Variants in PALM observed in about 807,000 individuals in gnomAD.
PALM encodes the protein paralemmin-1.
In PALM, 18 loss-of-function variants were observed where a neutral mutation model predicts 30.7. The ratio of observed to expected loss-of-function variants is 0.59; its 90% CI spans 0.41 to 0.87. The LOEUF (loss-of-function observed/expected upper bound fraction) is 0.87, where lower values mean the gene tolerates loss of function less well. PALM is among the 40% of genes least tolerant of loss of function. The pLI, the probability that PALM is intolerant of heterozygous loss-of-function variation, is 0.00. For synonymous variants in PALM, 286 were observed against 242.8 expected, an observed-to-expected ratio of 1.18 and a Z score of -1.66; for missense variants, 529 against 555.4, an observed-to-expected ratio of 0.95 and a Z score of 0.48.
At chr19:740,110 A>G (rs897442855) in intron 7 of PALM, among the ~76,000 whole-genome samples, 3 of 152,206 alleles carry the variant, frequency 2.0e-5, no homozygotes, top group African/African-American at 7.2e-5. Context: ...GGACAGCAGG[A>G]TGGGCCTCAA....
chr19:737,230 G>A (rs891405499), intron 7 of PALM, among the ~76,000 whole-genome samples: 1 of 152,176 alleles, frequency 6.6e-6, no homozygotes, highest in East Asian at 1.9e-4. Flanking sequence ...GGTGCCTGTG[G>A]GCCTCTGTGC....
chr19:732,004 A>T (rs1332136566), intron 5 of PALM, among the ~76,000 whole-genome samples: 4 of 150,336 alleles, frequency 2.7e-5, no homozygotes. Context: ...ACAGGGTCTC[A>T]CTCTGTCACC....
Position 710,848 on chromosome 19 carries a change from G to A in PALM, c.5+1697G>A, listed in dbSNP as rs760604888. Among the ~76,000 whole-genome samples the A allele has an allele frequency of 5.1e-4, 78 of 152,366 alleles. No homozygotes were observed. The Middle Eastern group carries it at 0.02, about 40-fold the overall frequency. ...CGGCTGCTGTGAGCCGCCATTCGAG[G>A]ACGACTCTCTCCCCGGTTCCCGGGC... On this transcript the variant is annotated intron_variant, in intron 1 of 8. Coordinates refer to ENST00000338448, the MANE Select transcript of PALM (RefSeq NM_002579.3).
At chr19:716,662 C>T (rs1437628596) in intron 1 of PALM, among the ~76,000 whole-genome samples, 3 of 152,066 alleles carry the variant, frequency 2.0e-5, no homozygotes, top group East Asian at 1.9e-4. Context: ...TGTATTCAAA[C>T]GCTTCCAGCC....
At chr19:715,348 C>T (rs1431446933) in intron 1 of PALM, among the ~76,000 whole-genome samples, 2 of 152,062 alleles carry the variant, frequency 1.3e-5, no homozygotes, top group East Asian at 1.9e-4. Context: ...ATCTAGGAAA[C>T]CTGTCATTTG....
chr19:738,837 C>T (rs768963508), intron 7 of PALM, among the ~76,000 whole-genome samples: 1 of 152,306 alleles, frequency 6.6e-6, no homozygotes, highest in East Asian at 1.9e-4. Flanking sequence ...GCAGGGCTGC[C>T]CACGATGGGG....
chr19:740,351 G>GCCATGTAC lies in PALM; in HGVS notation c.503_510dup (p.Ser171ProfsTer14). 2.6e-6 allele frequency: 4 copies of GCCATGTAC among 1,563,762 alleles called. No individual in the cohort carries two copies. The highest frequency in any genetic ancestry group is 3.5e-6 in the Non-Finnish European group (4 of 1,153,512). On this transcript the variant is annotated frameshift_variant and splice_region_variant. Coordinates refer to ENST00000338448, the MANE Select transcript of PALM (RefSeq NM_002579.3). LOFTEE classifies it high-confidence loss of function. ...GTGTAACCCCGTGACTCTCGTGCCA[G>GCCATGTAC]CCATGTACTCGGTTGAGATCACTGT...
rs201995410 is a variant in PALM, at chr19:727,021, G to A, written c.71G>A (p.Arg24Gln). ...CCCTCCCCACAGGAGAAGCGGAAGCGGCAGGCGGAGATCGAGAACAAGCGC... is the reference window on the plus strand; with the variant it reads ...CCCTCCCCACAGGAGAAGCGGAAGCAGCAGGCGGAGATCGAGAACAAGCGC... ...RLQAIAEKRK[R>Q]QAEIENKRRQ... Residue 24 changes from arginine (R) to glutamine (Q), a missense_variant, in exon 3 of 9, where the codon CGG becomes CAG. By Grantham distance (43) the Arg-to-Gln change is conservative (BLOSUM62 1). Transcript: ENST00000338448. 1,325 of 1,194,832 alleles carry A rather than the reference G, an allele frequency of 1.1e-3. No homozygotes were observed. The highest frequency in any genetic ancestry group is 1.4e-3 in the Non-Finnish European group (1,250 of 889,230). 74.0% of individuals were successfully genotyped at this position (1,194,832 alleles called of 1,614,324 possible). A position where few individuals can be genotyped will look rare whatever the true frequency, so the allele number is the denominator to read the frequency against.
rs529200672 is a variant in PALM at position 713,416 on chromosome 19, G to T, written c.5+4265G>T. ...TCACTGTTCTCATCTGGCGAGTGGG[G>T]ATGTGACTGCCATCATTAGGGGAGA... On this transcript the variant is annotated intron_variant, in intron 1 of 8. Coordinates refer to ENST00000338448, the MANE Select transcript of PALM (RefSeq NM_002579.3). Among the ~76,000 whole-genome samples the T allele has an allele frequency of 2.2e-3, 337 of 152,232 alleles. 1 individual carries two copies. The highest frequency in any genetic ancestry group is 3.4e-3 in the Non-Finnish European group (230 of 68,020).
At chr19:722,137 C>T (rs888258496) in intron 1 of PALM, among the ~76,000 whole-genome samples, 1 of 151,824 alleles carries the variant, frequency 6.6e-6, no homozygotes, top group African/African-American at 2.4e-5. Flanking sequence ...CCAGGATGGT[C>T]TCGATCTCCT....
At chr19:727,420 T>A (rs2032721759) in intron 3 of PALM, 144 bp from the exon 4 acceptor site, 1 of 670,748 alleles carries the variant, frequency 1.5e-6, no homozygotes. Context: ...GATTCTGACC[T>A]CAGCACTGAT....
chr19:720,642 G>A (rs1173373659), intron 1 of PALM, among the ~76,000 whole-genome samples: 1 of 150,772 alleles, frequency 6.6e-6, no homozygotes, highest in African/African-American at 2.4e-5. Flanking sequence ...GTGACTGCGG[G>A]GGCCAGGGGG....
At chr19:729,290 C>G (rs2032790632) in intron 4 of PALM, among the ~76,000 whole-genome samples, 1 of 151,560 alleles carries the variant, frequency 6.6e-6, no homozygotes, top group Admixed American at 6.6e-5. Flanking sequence ...CAAGCCACTG[C>G]ACTCCAGCCT....
rs2033220473 is a variant in PALM at position 742,439 on chromosome 19, T to C, written c.634+1956T>C. Among the ~76,000 whole-genome samples the C allele has an allele frequency of 6.6e-6, 1 of 152,132 alleles. No individual in the cohort carries two copies. Among genetic ancestry groups the C allele is most frequent in the Non-Finnish European group, 1.5e-5 (1 of 68,024 alleles). On this transcript the variant is annotated intron_variant, in intron 8 of 8. Coordinates refer to ENST00000338448, the MANE Select transcript of PALM (RefSeq NM_002579.3). This position sits in a 1 kb window ranked among gnomAD's most constrained non-coding sequence, Gnocchi z 5.5. ...GGCCAACATGGAGAACCCCCGTCTCTGCTAAAAATACAAAAATTAGCTGGA... is the reference window on the plus strand; with the variant it reads ...GGCCAACATGGAGAACCCCCGTCTCCGCTAAAAATACAAAAATTAGCTGGA...
At chr19:719,608 C>T in intron 1 of PALM, 1 of 986,622 alleles carries the variant, frequency 1.0e-6, no homozygotes, top group Non-Finnish European at 1.2e-6. Context: ...CCGCCGCCGC[C>T]CTGAGCTTTT....
chr19:740,968 C>CAA (rs60937470), intron 8 of PALM, among the ~76,000 whole-genome samples: 26 of 93,792 alleles, frequency 2.8e-4, no homozygotes, highest in African/African-American at 8.6e-4. Flanking sequence ...CCGTCTCTAC[C>CAA]AAAAAAAAAA....
chr19:721,135 A>T (rs1255877932), intron 1 of PALM, among the ~76,000 whole-genome samples: 3 of 152,180 alleles, frequency 2.0e-5, no homozygotes, highest in African/African-American at 7.2e-5. Context: ...GGCTTGGTGC[A>T]TAGCCAGGGG....
intron 4 of PALM, among the ~76,000 whole-genome samples, chr19:729,386 C>A (rs931934853): frequency 6.6e-6 from 1 of 150,732 alleles, no homozygotes; most frequent in Non-Finnish European, 1.5e-5. Context: ...TGGAATGAGC[C>A]GAGTGTTACC....
chr19:730,010 C>A (rs1250674479), intron 4 of PALM, among the ~76,000 whole-genome samples: 1 of 152,208 alleles, frequency 6.6e-6, no homozygotes, highest in Admixed American at 6.5e-5. Context: ...TGGCTTGAGG[C>A]CTAGTTTGCT....
Sources: allele counts gnomAD v4.1 joint callset (sites outside exome capture counted in the v4.1 genomes callset), GRCh38; gene constraint gnomAD v4.1.1; non-coding constraint Gnocchi (gnomAD v3.1); transcripts MANE v1.5; gene names NCBI Gene and HGNC (gene_info 2026-07-23, HGNC 2026-07-21).